LEPR: variants seen among roughly 807,000 people sequenced by gnomAD.
The protein encoded by LEPR is leptin receptor, also known as OB receptor.
In LEPR, 56 loss-of-function variants were observed where a neutral mutation model predicts 114.7. That is an observed-to-expected ratio of 0.49 (90% CI 0.39 to 0.61). The LOEUF (loss-of-function observed/expected upper bound fraction) is 0.61, where lower values mean the gene tolerates loss of function less well. Ranked by LOEUF, LEPR falls within the 20% of genes least tolerant of loss-of-function variation. The pLI, the probability that LEPR is intolerant of heterozygous loss-of-function variation, is 0.00. For missense variants in LEPR, 1,202 were observed against 1,352.9 expected (o/e 0.89, Z 1.75); for synonymous variants, 443 against 461.4 (o/e 0.96, Z 0.51).
chr1:65,586,691 G>A (rs1655341171), intron 5 of LEPR, among the ~76,000 whole-genome samples: 2 of 151,952 alleles, frequency 1.3e-5, no homozygotes, highest in Non-Finnish European at 2.9e-5. Flanking sequence ...CAGATGGCTG[G>A]ATTTGGCCTG....
intron 2 of LEPR, among the ~76,000 whole-genome samples, chr1:65,552,300 G>A (rs1652445248): frequency 1.3e-5 from 2 of 152,192 alleles, no homozygotes; most frequent in South Asian, 4.1e-4. Flanking sequence ...AACATTGACA[G>A]TGGGGTGCTA....
chr1:65,614,830 C>T (rs1259030949), intron 14 of LEPR, among the ~76,000 whole-genome samples: 1 of 152,122 alleles, frequency 6.6e-6, no homozygotes, highest in Non-Finnish European at 1.5e-5. Flanking sequence ...AGTAGTAAGA[C>T]ATGTGCCCAG....
rs890524002 is a variant in LEPR, at chr1:65,624,484, C to T, written c.2673+1503C>T. 2.0e-5 allele frequency among the ~76,000 whole-genome samples: 3 copies of T among 151,984 alleles called. No individual in the cohort carries two copies. The East Asian group carries it at 5.8e-4, about 29-fold the overall frequency. On this transcript the variant is annotated intron_variant, in intron 19 of 19. Transcript: ENST00000349533. Reference sequence around the variant, plus strand: ...TTCTCTATAGCAGTGGCTTCTTTTTCTTTCTTTCTTCTTCGCCATGACCCA... The same window carrying T: ...TTCTCTATAGCAGTGGCTTCTTTTTTTTTCTTTCTTCTTCGCCATGACCCA...
At chr1:65,634,878 G>GAA in intron 19 of LEPR, 98 of 789,474 alleles carry the variant, frequency 1.2e-4, no homozygotes, top group Non-Finnish European at 1.4e-4. Context: ...ATTTCTTTCA[G>GAA]AAAAAAAAAA....
intron 2 of LEPR, among the ~76,000 whole-genome samples, chr1:65,437,698 T>G (rs1646583458): frequency 6.6e-6 from 1 of 151,976 alleles, no homozygotes; most frequent in Admixed American, 6.5e-5. Flanking sequence ...AAATAAAGTA[T>G]ATGATACGGT....
chr1:65,626,077 C>G (rs778224816), intron 19 of LEPR: 1 of 1,575,220 alleles, frequency 6.3e-7, no homozygotes, highest in Non-Finnish European at 8.7e-7. Context: ...CCCACATCAG[C>G]AAAATGCAGT....
intron 1 of LEPR, among the ~76,000 whole-genome samples, chr1:65,424,265 C>G (rs766497802): frequency 8.5e-5 from 13 of 152,186 alleles, no homozygotes; most frequent in Non-Finnish European, 1.6e-4. Flanking sequence ...CCTACAAAGA[C>G]ATGAAAACAA....
At chr1:65,451,344 T>G (rs1169155031) in intron 2 of LEPR, among the ~76,000 whole-genome samples, 1 of 152,178 alleles carries the variant, frequency 6.6e-6, no homozygotes, top group Non-Finnish European at 1.5e-5. Flanking sequence ...AGACATGAAG[T>G]CCTTGCCCAT....
At chr1:65,599,763 A>T (rs189309704) in intron 8 of LEPR, among the ~76,000 whole-genome samples, 5 of 152,292 alleles carry the variant, frequency 3.3e-5, no homozygotes, top group African/African-American at 1.2e-4. Context: ...TGGTCATGTG[A>T]AGAAAACCAT....
chr1:65,564,123 T>C (rs1389420823), intron 2 of LEPR, among the ~76,000 whole-genome samples: 2 of 146,096 alleles, frequency 1.4e-5, no homozygotes, highest in African/African-American at 2.5e-5. Context: ...TGATCAAGCC[T>C]GGGCAATGGT....
At chr1:65,439,418 T>A (rs1646617532) in intron 2 of LEPR, among the ~76,000 whole-genome samples, 1 of 152,020 alleles carries the variant, frequency 6.6e-6, no homozygotes, top group Non-Finnish European at 1.5e-5. Context: ...AAGGAAAAAA[T>A]AAAAACATTT....
intron 2 of LEPR, among the ~76,000 whole-genome samples, chr1:65,512,774 T>A (rs749528971): frequency 2.0e-5 from 3 of 152,196 alleles, no homozygotes; most frequent in South Asian, 2.1e-4. Flanking sequence ...GGAAAAGAAA[T>A]GGGAGCCTGA....
At position 65,613,487 on chromosome 1, in the gene LEPR, C is replaced by G. The variant is rs956765936; in HGVS notation, c.1996-2521C>G. ...ATTCAACAGGGGCCGGGCGCGGTGGCTCACGCCTGTAATCCCAGCACTTTG... is the reference window on the plus strand; with the variant it reads ...ATTCAACAGGGGCCGGGCGCGGTGGGTCACGCCTGTAATCCCAGCACTTTG... On this transcript the variant is annotated intron_variant, in intron 14 of 19. Coordinates refer to ENST00000349533, the MANE Select transcript of LEPR (RefSeq NM_002303.6). 4.5e-4 allele frequency among the ~76,000 whole-genome samples: 44 copies of G among 97,306 alleles called. 4 individuals are homozygous for G. Among genetic ancestry groups the G allele is most frequent in the African/African-American group, 1.4e-3 (41 of 29,672 alleles). 63.8% of individuals were successfully genotyped at this position (97,306 alleles called of 152,430 possible).
intron 2 of LEPR, among the ~76,000 whole-genome samples, chr1:65,509,600 T>TA (rs1648931432): frequency 1.3e-5 from 2 of 152,188 alleles, no homozygotes; most frequent in African/African-American, 4.8e-5. Context: ...GGCGTATGTT[T>TA]ATCACAGTTT....
intron 2 of LEPR, among the ~76,000 whole-genome samples, chr1:65,532,484 T>C (rs1184044605): frequency 6.6e-6 from 1 of 152,170 alleles, no homozygotes; most frequent in Non-Finnish European, 1.5e-5. Flanking sequence ...TTCCTAGGCA[T>C]ATACCTAAGA....
chr1:65,611,566 A>G (rs1657171689), intron 14 of LEPR, among the ~76,000 whole-genome samples: 1 of 151,990 alleles, frequency 6.6e-6, no homozygotes, highest in Non-Finnish European at 1.5e-5. Flanking sequence ...TTTTTCTTTG[A>G]TTTGTCCTCT....
rs78153626 is a variant in LEPR, at chr1:65,438,460, G to A, written c.-21+13082G>A. Reference sequence around the variant, plus strand: ...AGCTACTCAGGAGGATGAGGCAGGAGAACTGCTTGAACCTGGTAGGCGGAG... The same window carrying A: ...AGCTACTCAGGAGGATGAGGCAGGAAAACTGCTTGAACCTGGTAGGCGGAG... On this transcript the variant is annotated intron_variant, in intron 2 of 19. Coordinates refer to ENST00000349533, the MANE Select transcript of LEPR (RefSeq NM_002303.6). 2.7e-5 allele frequency among the ~76,000 whole-genome samples: 4 copies of A among 146,100 alleles called. No homozygotes were observed. In the South Asian group the frequency reaches 8.9e-4, roughly 32 times the overall value.
At chr1:65,424,213 G>A (rs939391964) in intron 1 of LEPR, among the ~76,000 whole-genome samples, 1 of 152,190 alleles carries the variant, frequency 6.6e-6, no homozygotes, top group Non-Finnish European at 1.5e-5. Flanking sequence ...TAGATACAGG[G>A]AATACATATT....
chr1:65,524,952 G>C (rs1649825364), intron 2 of LEPR, among the ~76,000 whole-genome samples: 1 of 152,096 alleles, frequency 6.6e-6, no homozygotes, highest in Non-Finnish European at 1.5e-5. Context: ...ATTTACTTTG[G>C]AGTTGGAATC....
Sources: gnomAD v4.1 joint callset for allele counts (sites outside exome capture counted in the v4.1 genomes callset) on GRCh38, gnomAD v4.1.1 for gene constraint, MANE v1.5 for transcripts, NCBI Gene and HGNC (gene_info 2026-07-23, HGNC 2026-07-21) for gene names.